SLC6A5: variants seen among roughly 807,000 people sequenced by gnomAD.
SLC6A5 encodes sodium- and chloride-dependent glycine transporter 2.
In SLC6A5, 58 loss-of-function variants were observed where a neutral mutation model predicts 90.5. The observed-to-expected ratio is 0.64, with a 90% CI of 0.52 to 0.80. SLC6A5 has a LOEUF of 0.80. SLC6A5 is among the 30% of genes least tolerant of loss of function. The pLI, the probability that SLC6A5 is intolerant of heterozygous loss-of-function variation, is 0.00. For synonymous variants in SLC6A5, 427 were observed against 401.4 expected, an observed-to-expected ratio of 1.06 and a Z score of -0.76; for missense variants, 1,015 against 1,017.6, an observed-to-expected ratio of 1.00 and a Z score of 0.03.
At position 20,601,637 on chromosome 11, in the gene SLC6A5, C is replaced by T. The variant is rs1852481814; in HGVS notation, c.512C>T (p.Pro171Leu). The T allele has an allele frequency of 2.5e-6, 4 of 1,613,938 alleles. No individual in the cohort carries two copies. The highest frequency in any genetic ancestry group is 1.1e-5 in the South Asian group (1 of 91,056). Residue 171 changes from proline to leucine, a missense_variant, in exon 2 of 16, where the codon CCG becomes CTG. Pro to Leu is a moderately conservative substitution (Grantham distance 98, BLOSUM62 -3). Around this residue, in one of 3 missense-constraint regions of SLC6A5, gnomAD observed 567 missense variants for 507.3 expected, o/e 1.12. Transcript: ENST00000525748. ...ACGGATGGAATCACGTCCGTGCTCCCGGGCAGCGTGGCCACCGTTGCCACC... is the reference window on the plus strand; with the variant it reads ...ACGGATGGAATCACGTCCGTGCTCCTGGGCAGCGTGGCCACCGTTGCCACC... ...LATDGITSVL[P>L]GSVATVATQE...
At chr11:20,619,083 C>T (rs1173067660) in intron 7 of SLC6A5, among the ~76,000 whole-genome samples, 4 of 152,236 alleles carry the variant, frequency 2.6e-5, no homozygotes, top group Non-Finnish European at 4.4e-5. Flanking sequence ...ACAAAAATGT[C>T]TTTAAGGCTC....
At chr11:20,618,945 GACACACACACAC>G (rs68111718) in intron 7 of SLC6A5, among the ~76,000 whole-genome samples, 40,259 of 148,658 alleles carry the variant, frequency 0.27, 6,044 homozygotes, top group East Asian at 0.65. Flanking sequence ...TGTCCCGCCC[GACACACACACAC>G]ACACACACAC....
chr11:20,634,417 A>T (rs1328328645), intron 10 of SLC6A5, among the ~76,000 whole-genome samples: 2 of 152,194 alleles, frequency 1.3e-5, no homozygotes, highest in Non-Finnish European at 2.9e-5. Context: ...GCTGAAATGG[A>T]AGCAGACTGA....
rs767020292 is a variant in SLC6A5, at chr11:20,646,818, G to T, written c.1970-16G>T. On this transcript the variant is annotated splice_polypyrimidine_tract_variant and intron_variant, in intron 13 of 15. Coordinates refer to ENST00000525748, the MANE Select transcript of SLC6A5 (RefSeq NM_004211.5). ...CTACTGTGCCTTATACCTGTTCTCT[G>T]CTTGTCTATTTGCAGGCTTGCAAAG... 6.3e-7 allele frequency: 1 copy of T among 1,577,998 alleles called. No homozygotes were observed. Among genetic ancestry groups the T allele is most frequent in the Non-Finnish European group, 8.7e-7 (1 of 1,147,284 alleles).
At chr11:20,617,393 C>T (rs774427294) in intron 6 of SLC6A5, among the ~76,000 whole-genome samples, 10 of 152,202 alleles carry the variant, frequency 6.6e-5, no homozygotes, top group Middle Eastern at 3.2e-3. Context: ...ACAGAAAACA[C>T]ACAAAAATCA....
chr11:20,601,174 C>T lies in SLC6A5; in HGVS notation c.49C>T (p.Pro17Ser). 6.3e-7 allele frequency: 1 copy of T among 1,589,714 alleles called. No individual in the cohort carries two copies. The highest frequency in any genetic ancestry group is 8.5e-7 in the Non-Finnish European group (1 of 1,175,820). ...KEMNKLPANS[P>S]EAAAAQGHPD... ...AATGAATAAACTGCCAGCCAACAGCCCGGAGGCGGCGGCGGCGCAGGGCCA... is the reference window on the plus strand; with the variant it reads ...AATGAATAAACTGCCAGCCAACAGCTCGGAGGCGGCGGCGGCGCAGGGCCA... Residue 17 changes from proline to serine, a missense_variant, in exon 2 of 16, where the codon CCG (proline) becomes TCG (serine). Coordinates refer to ENST00000525748, the MANE Select transcript of SLC6A5 (RefSeq NM_004211.5).
chr11:20,639,867 G>C (rs1217235730), intron 13 of SLC6A5, among the ~76,000 whole-genome samples: 1 of 152,236 alleles, frequency 6.6e-6, no homozygotes, highest in African/African-American at 2.4e-5. Flanking sequence ...TTCCTGGCAA[G>C]AGAGGTGGGC....
At chr11:20,604,509 CG>C (rs1852540890) in intron 3 of SLC6A5, 85 bp downstream of exon 3, 1 of 1,540,942 alleles carries the variant, frequency 6.5e-7, no homozygotes, top group East Asian at 2.3e-5. Context: ...CAGGCAGGGC[CG>C]CCGGGCGGGG....
intron 7 of SLC6A5, among the ~76,000 whole-genome samples, chr11:20,625,670 C>A (rs911593332): frequency 6.6e-6 from 1 of 152,078 alleles, no homozygotes; most frequent in African/African-American, 2.4e-5. Context: ...ATGTCTCTAG[C>A]CCCCCACCCC....
At chr11:20,625,274 C>G (rs916732720) in intron 7 of SLC6A5, among the ~76,000 whole-genome samples, 2 of 152,074 alleles carry the variant, frequency 1.3e-5, no homozygotes, top group Non-Finnish European at 2.9e-5. Flanking sequence ...TTCTTTCTTT[C>G]TTTTGAGATG....
chr11:20,616,927 A>T (rs1852793348), intron 6 of SLC6A5, among the ~76,000 whole-genome samples: 1 of 152,230 alleles, frequency 6.6e-6, no homozygotes, highest in Admixed American at 6.5e-5. Context: ...TAGATCACAG[A>T]AAAACGTCAA....
intron 5 of SLC6A5, among the ~76,000 whole-genome samples, chr11:20,612,321 T>A (rs1852709868): frequency 6.6e-6 from 1 of 152,190 alleles, no homozygotes; most frequent in Non-Finnish European, 1.5e-5. Flanking sequence ...GGAAGATTTT[T>A]AATTTGTGAT....
intron 2 of SLC6A5, among the ~76,000 whole-genome samples, chr11:20,602,375 A>G (rs372061354): frequency 6.6e-6 from 1 of 152,144 alleles, no homozygotes; most frequent in East Asian, 1.9e-4. Context: ...GGCGTGAAAA[A>G]CCCACAGAGC....
chr11:20,645,381 G>A (rs1222060184), intron 13 of SLC6A5, among the ~76,000 whole-genome samples: 1 of 152,030 alleles, frequency 6.6e-6, no homozygotes, highest in Non-Finnish European at 1.5e-5. Flanking sequence ...TGGGAGAGGT[G>A]GCCAGTGAAG....
At chr11:20,626,409 C>T (rs1017811986) in intron 7 of SLC6A5, among the ~76,000 whole-genome samples, 8 of 152,052 alleles carry the variant, frequency 5.3e-5, no homozygotes, top group Non-Finnish European at 1.2e-4. Context: ...CTGTGGTCCC[C>T]TAAGGAGTTG....
At chr11:20,637,360 A>T in intron 12 of SLC6A5, 57 bp downstream of exon 12, 1 of 1,504,196 alleles carries the variant, frequency 6.6e-7, no homozygotes, top group Non-Finnish European at 9.2e-7. Context: ...GGGGGCCAAT[A>T]GCTATCTGTC....
chr11:20,618,247 G>A (rs1002447499), intron 7 of SLC6A5, among the ~76,000 whole-genome samples: 2 of 152,110 alleles, frequency 1.3e-5, no homozygotes, highest in African/African-American at 4.8e-5. Flanking sequence ...TGTGCTGCTG[G>A]CTTTTTGCCT....
At chr11:20,646,744 C>G in intron 13 of SLC6A5, 90 bp from the exon 14 acceptor site, 1 of 869,116 alleles carries the variant, frequency 1.2e-6, no homozygotes. Flanking sequence ...GCCAATGGTG[C>G]TTGAGTGAGG....
rs1852606588 is a variant in SLC6A5, at chr11:20,607,491, C to T, written c.824C>T (p.Ala275Val). The T allele has an allele frequency of 5.6e-6, 9 of 1,614,044 alleles. No homozygotes were observed. Among genetic ancestry groups the T allele is most frequent in the African/African-American group, 2.7e-5 (2 of 74,926 alleles). ...TTTGCTTCTGCAGGCTGTGGCATCG[C>T]GATGCTGATCATCTCTGTCCTAATA... ...AIPALQGCGI[A>V]MLIISVLIAI... The change falls in exon 5 of 16, where the codon GCG (alanine) becomes GTG (valine). Residue 275 changes from alanine to valine, a missense_variant. Physicochemically the swap from Ala to Val is moderately conservative, Grantham distance 64. Transcript: ENST00000525748.
Sources: allele counts gnomAD v4.1 joint callset (sites outside exome capture counted in the v4.1 genomes callset), GRCh38; gene constraint gnomAD v4.1.1; regional missense constraint gnomAD v4.1.1; transcripts MANE v1.5; gene names NCBI Gene and HGNC (gene_info 2026-07-23, HGNC 2026-07-21).